Variants in BCL9L observed in about 807,000 individuals in gnomAD.
BCL9L encodes the protein BCL9 like.
Under a neutral mutation model 99.4 loss-of-function variants are expected in BCL9L, and 19 were observed. The observed-to-expected ratio is 0.19, with a 90% CI of 0.13 to 0.28. The LOEUF is 0.28. Among genes scored for constraint, BCL9L ranks in the 10% least tolerant of loss-of-function variants. The probability of loss-of-function intolerance (pLI) is 1.00; values close to 1 mark genes in which losing one functional copy is unlikely to be tolerated. For synonymous variants in BCL9L, 900 were observed against 854.8 expected (o/e 1.05, Z -0.92); for missense variants, 2,023 against 2,101.6 (o/e 0.96, Z 0.73).
chr11:118,898,588 C>T lies in BCL9L; in HGVS notation c.4327G>A (p.Gly1443Ser), dbSNP rs369932105. ...TGGGGCGGCTGGCTGTAGACCTCGCCCCCCACGCCCCGCTGCTTCATCAGC... is the reference window on the plus strand; with the variant it reads ...TGGGGCGGCTGGCTGTAGACCTCGCTCCCCACGCCCCGCTGCTTCATCAGC... ...FMLMKQRGVGGEVYSQPPHML... is the reference protein window; with the variant it reads ...FMLMKQRGVGSEVYSQPPHML... The change falls in exon 10 of 10, where the codon GGC becomes AGC. Residue 1443 changes from glycine to serine, a missense_variant. Gly to Ser is a moderately conservative substitution (Grantham distance 56). Around this residue, in one of 3 missense-constraint regions of BCL9L, gnomAD observed 902 missense variants for 888.2 expected, o/e 1.02. Transcript: ENST00000683865. The T allele has an allele frequency of 6.2e-7, 1 of 1,611,464 alleles. No individual in the cohort carries two copies. The highest frequency in any genetic ancestry group is 1.1e-5 in the South Asian group (1 of 90,900).
Position 118,897,794 on chromosome 11 carries a change from T to C in BCL9L, c.*621A>G, listed in dbSNP as rs891906448. On this transcript the variant is annotated 3_prime_UTR_variant, in exon 10 of 10. Coordinates refer to ENST00000683865, the MANE Select transcript of BCL9L (RefSeq NM_001378213.1). ...TGTGACTTCTATCAAAACACAGAAA[T>C]ACAGCACACGCACAAACCAGCACAA... 9 of 455,112 alleles carry C rather than the reference T, an allele frequency of 2.0e-5. No homozygotes were observed. Among genetic ancestry groups the C allele is most frequent in the African/African-American group, 1.6e-4 (8 of 49,682 alleles). The allele number at this position is 455,112 out of a possible 1,614,324, so 28.2% of individuals were successfully genotyped here.
At position 118,899,091 on chromosome 11, in the gene BCL9L, G is replaced by A. The variant is rs762517662; in HGVS notation, c.3824C>T (p.Pro1275Leu). Reference sequence around the variant, plus strand: ...TTTGCCCATCAGGTGCTGCTGGGGAGGCATGGGGCCTGGCGGCTGGTTGGG... The same window carrying A: ...TTTGCCCATCAGGTGCTGCTGGGGAAGCATGGGGCCTGGCGGCTGGTTGGG... ...DLPNQPPGPMPPQQHLMGKAM... is the reference protein window; with the variant it reads ...DLPNQPPGPMLPQQHLMGKAM... The change falls in exon 10 of 10, where the codon CCT becomes CTT. Residue 1275 changes from proline (P) to leucine (L), a missense_variant. Around this residue, in one of 3 missense-constraint regions of BCL9L, gnomAD observed 902 missense variants for 888.2 expected, o/e 1.02. Coordinates refer to ENST00000683865, the MANE Select transcript of BCL9L (RefSeq NM_001378213.1). 1.3e-6 allele frequency: 2 copies of A among 1,597,008 alleles called. No individual in the cohort carries two copies. Among genetic ancestry groups the A allele is most frequent in the Non-Finnish European group, 8.5e-7 (1 of 1,171,552 alleles).
At chr11:118,911,787 C>T (rs2134426520) in intron 2 of BCL9L, among the ~76,000 whole-genome samples, 1 of 152,376 alleles carries the variant, frequency 6.6e-6, no homozygotes, top group South Asian at 2.1e-4. Context: ...ATGACTGCTC[C>T]TCTGAGCCTG....
chr11:118,923,776 C>T (rs1941209866), intron 1 of BCL9L, among the ~76,000 whole-genome samples: 1 of 152,204 alleles, frequency 6.6e-6, no homozygotes, highest in Admixed American at 6.5e-5. Context: ...TGCTTCCAGG[C>T]CTGGCTCTCC....
chr11:118,915,326 CT>C (rs1279369526), intron 2 of BCL9L, among the ~76,000 whole-genome samples: 2 of 152,198 alleles, frequency 1.3e-5, no homozygotes, highest in Non-Finnish European at 2.9e-5. Flanking sequence ...TGACAAACCA[CT>C]TCTGGCCTCA....
chr11:118,899,028 C>T lies in BCL9L; in HGVS notation c.3887G>A (p.Gly1296Asp). The T allele has an allele frequency of 6.2e-7, 1 of 1,613,666 alleles. No homozygotes were observed. The highest frequency in any genetic ancestry group is 8.5e-7 in the Non-Finnish European group (1 of 1,179,936). ...AGRMGDAYPP[G>D]VLPGVASVLN... ...CACTGATGCCACCCCAGGGAGCACA[C>T]CCGGTGGGTATGCGTCGCCCATGCG... The change falls in exon 10 of 10, where the codon GGT becomes GAT. Residue 1296 changes from glycine (G) to aspartate (D), a missense_variant. By Grantham distance (94) the Gly-to-Asp change is moderately conservative. Transcript: ENST00000683865.
Position 118,909,964 on chromosome 11 carries a change from G to T in BCL9L, c.-25C>A. The T allele has an allele frequency of 1.9e-6, 3 of 1,613,912 alleles. No homozygotes were observed. The highest frequency in any genetic ancestry group is 2.5e-6 in the Non-Finnish European group (3 of 1,179,894). ...TGGCTCCCACACACAGTGGGGCTAC[G>T]GCCCCTGTGCGTGCCCAGGGCCCAG... On this transcript the variant is annotated 5_prime_UTR_variant, in exon 3 of 10. Coordinates refer to ENST00000683865, the MANE Select transcript of BCL9L (RefSeq NM_001378213.1).
chr11:118,898,442 T>C lies in BCL9L; in HGVS notation c.4473A>G (p.Pro1491=). 1 of 1,605,784 alleles carries C rather than the reference T, an allele frequency of 6.2e-7. No individual in the cohort carries two copies. Among genetic ancestry groups the C allele is most frequent in the South Asian group, 1.1e-5 (1 of 90,846 alleles). ...LDSQMGYLPA[P]GGMANLPF is the part of the protein sequence containing the mutation. ...AGAAGGGCAGGTTGGCCATGCCGCC[T>C]GGTGCCGGGAGGTAGCCCATCTGGC... is the stretch of plus-strand genomic sequence containing the variant. Residue 1491 remains proline (P), a synonymous_variant, in exon 10 of 10, where the codon CCA becomes CCG. Coordinates refer to ENST00000683865, the MANE Select transcript of BCL9L (RefSeq NM_001378213.1).
At position 118,899,234 on chromosome 11, in the gene BCL9L, G is replaced by C. The variant is rs756508307; in HGVS notation, c.3681C>G (p.Pro1227=). Reference sequence around the variant, plus strand: ...GGGGCTGCTGCAGCCGAGGGGGGAAGGGCATCATCTGGGAGGAGCTGGGCA... The same window carrying C: ...GGGGCTGCTGCAGCCGAGGGGGGAACGGCATCATCTGGGAGGAGCTGGGCA... The part of the protein sequence containing the change: ...GPVPSSSQMM[P]FPPRLQQPHG... Residue 1227 remains proline (P), a synonymous_variant, in exon 10 of 10, where the codon CCC becomes CCG. Transcript: ENST00000683865. 2.6e-6 allele frequency: 4 copies of C among 1,513,374 alleles called. No homozygotes were observed. The highest frequency in any genetic ancestry group is 3.5e-6 in the Non-Finnish European group (4 of 1,132,274). 93.7% of individuals were successfully genotyped at this position (1,513,374 alleles called of 1,614,324 possible). A position where few individuals can be genotyped will look rare whatever the true frequency, so the allele number is the denominator to read the frequency against.
chr11:118,908,142 G>A, intron 4 of BCL9L, 128 bp downstream of exon 4: 1 of 1,324,600 alleles, frequency 7.5e-7, no homozygotes, highest in African/African-American at 1.5e-5. Flanking sequence ...AGGTACCCAT[G>A]CAGAAATACT....
chr11:118,916,257 C>T (rs1016391149), intron 2 of BCL9L, among the ~76,000 whole-genome samples: 8 of 152,176 alleles, frequency 5.3e-5, no homozygotes, highest in Admixed American at 1.3e-4. Context: ...CCAGAGAGAG[C>T]ACCTGCTAGC....
intron 2 of BCL9L, among the ~76,000 whole-genome samples, chr11:118,918,171 TCCCTAGTCGAACCGGGAG>T (rs2134438458): frequency 1.3e-5 from 2 of 152,270 alleles, no homozygotes; most frequent in East Asian, 3.9e-4. Context: ...CCTCCAGCTT[TCCCTAGTCGAACCGGGAG>T]CCCTCAGGCG....
chr11:118,901,553 A>C lies in BCL9L; in HGVS notation c.2190T>G (p.Gly730=), dbSNP rs756208926. ...PAMFPGQMAG[G]EGLAGTPMGM... ...CCATGGGAGTGCCCGCCAGGCCCTCACCACCAGCCATCTGCCCGGGAAACA... is the reference window on the plus strand; with the variant it reads ...CCATGGGAGTGCCCGCCAGGCCCTCCCCACCAGCCATCTGCCCGGGAAACA... The change falls in exon 8 of 10, where the codon GGT becomes GGG. Residue 730 remains glycine (G), a synonymous_variant. Coordinates refer to ENST00000683865, the MANE Select transcript of BCL9L (RefSeq NM_001378213.1). The surrounding 1 kb of genome is among the most constrained non-coding windows in gnomAD (Gnocchi z 6.6). 4.3e-6 allele frequency: 7 copies of C among 1,613,814 alleles called. No homozygotes were observed. The highest frequency in any genetic ancestry group is 1.6e-4 in the Middle Eastern group (1 of 6,084).
At position 118,898,294 on chromosome 11, in the gene BCL9L, G is replaced by A; in HGVS notation, c.*121C>T. On this transcript the variant is annotated 3_prime_UTR_variant, in exon 10 of 10. Coordinates refer to ENST00000683865, the MANE Select transcript of BCL9L (RefSeq NM_001378213.1). ...TCCACAAATGCCACTCCCTACACAAGCCCCCTCCCACCCCCTCCACCCCAC... is the reference window on the plus strand; with the variant it reads ...TCCACAAATGCCACTCCCTACACAAACCCCCTCCCACCCCCTCCACCCCAC... 4 of 452,306 alleles carry A rather than the reference G, an allele frequency of 8.8e-6. No individual in the cohort carries two copies. The highest frequency in any genetic ancestry group is 1.2e-5 in the Non-Finnish European group (3 of 244,760). The allele number at this position is 452,306 out of a possible 1,614,324, so 28.0% of individuals were successfully genotyped here. A position where few individuals can be genotyped will look rare whatever the true frequency, so the allele number is the denominator to read the frequency against.
At position 118,898,003 on chromosome 11, in the gene BCL9L, C is replaced by G. The variant is rs1279769647; in HGVS notation, c.*412G>C. ...AGGTGGAGCTCCAGCAATGCGGACA[C>G]GAGGAGACAGGAGCAGAAGGGGCTG... is the stretch of plus-strand genomic sequence containing the variant. On this transcript the variant is annotated 3_prime_UTR_variant, in exon 10 of 10. Transcript: ENST00000683865. 4.9e-6 allele frequency: 2 copies of G among 411,732 alleles called. No homozygotes were observed. The highest frequency in any genetic ancestry group is 9.4e-6 in the Non-Finnish European group (2 of 212,026). The allele number at this position is 411,732 out of a possible 1,614,324, so 25.5% of individuals were successfully genotyped here.
At position 118,900,665 on chromosome 11, in the gene BCL9L, C is replaced by T. The variant is rs764833794; in HGVS notation, c.3078G>A (p.Pro1026=). 1.8e-5 allele frequency: 29 copies of T among 1,612,882 alleles called. No homozygotes were observed. Among genetic ancestry groups the T allele is most frequent in the Non-Finnish European group, 2.3e-5 (27 of 1,179,464 alleles). ...TGGTGGAAGAGTTCATGTTGAGAGG[C>T]GGCTGCTTGTTCTGGGAGACCCCCG... ...PSPGVSQNKQ[P]PLNMNSSTTL... Residue 1026 remains proline, a synonymous_variant, in exon 8 of 10, where the codon CCG becomes CCA. Coordinates refer to ENST00000683865, the MANE Select transcript of BCL9L (RefSeq NM_001378213.1). This position sits in a 1 kb window ranked among gnomAD's most constrained non-coding sequence, Gnocchi z 5.3.
Position 118,901,904 on chromosome 11 carries a change from C to A in BCL9L, c.1839G>T (p.Gly613=). 2 of 1,613,818 alleles carry A rather than the reference C, an allele frequency of 1.2e-6. No homozygotes were observed. The highest frequency in any genetic ancestry group is 1.7e-6 in the Non-Finnish European group (2 of 1,179,852). Residue 613 remains glycine, a synonymous_variant, in exon 8 of 10, where the codon GGG becomes GGT. Coordinates refer to ENST00000683865, the MANE Select transcript of BCL9L (RefSeq NM_001378213.1). The surrounding 1 kb of genome is among the most constrained non-coding windows in gnomAD (Gnocchi z 6.6). Reference sequence around the variant, plus strand: ...TGGGCATACTCTGCATGCCCCCAAACCCAGGTACCCGTTGTATCTGGTTGC... The same window carrying A: ...TGGGCATACTCTGCATGCCCCCAAAACCAGGTACCCGTTGTATCTGGTTGC... ...FPGNQIQRVP[G]FGGMQSMPME...
intron 2 of BCL9L, among the ~76,000 whole-genome samples, chr11:118,915,276 A>C (rs1159252555): frequency 1.3e-5 from 2 of 152,198 alleles, no homozygotes; most frequent in Non-Finnish European, 2.9e-5. Flanking sequence ...GTGAGGTAAC[A>C]GTAGTGAAAC....
chr11:118,897,801 C>T lies in BCL9L; in HGVS notation c.*614G>A, dbSNP rs1382151005. 2.2e-6 allele frequency: 1 copy of T among 456,194 alleles called. No homozygotes were observed. The highest frequency in any genetic ancestry group is 1.5e-5 in the South Asian group (1 of 64,558). The allele number at this position is 456,194 out of a possible 1,614,324, so 28.3% of individuals were successfully genotyped here. A position where few individuals can be genotyped will look rare whatever the true frequency, so the allele number is the denominator to read the frequency against. On this transcript the variant is annotated 3_prime_UTR_variant, in exon 10 of 10. Coordinates refer to ENST00000683865, the MANE Select transcript of BCL9L (RefSeq NM_001378213.1). Reference sequence around the variant, plus strand: ...TCTATCAAAACACAGAAATACAGCACACGCACAAACCAGCACAAAAGCGCA... The same window carrying T: ...TCTATCAAAACACAGAAATACAGCATACGCACAAACCAGCACAAAAGCGCA...
Sources: gnomAD v4.1 joint callset for allele counts (sites outside exome capture counted in the v4.1 genomes callset) on GRCh38, gnomAD v4.1.1 for gene constraint, gnomAD v4.1.1 regional missense constraint, Gnocchi (gnomAD v3.1) non-coding constraint, MANE v1.5 for transcripts, NCBI Gene and HGNC (gene_info 2026-07-23, HGNC 2026-07-21) for gene names.